MSI2: variants seen among roughly 807,000 people sequenced by gnomAD.
The protein encoded by MSI2 is musashi RNA binding protein 2, also known as RNA-binding protein Musashi homolog 2.
A neutral mutation model predicts 45.6 loss-of-function variants in MSI2; 17 were observed. The observed-to-expected ratio is 0.37, with a 90% CI of 0.26 to 0.56. MSI2 has a LOEUF of 0.56. MSI2 is among the 20% of genes least tolerant of loss of function. The probability of loss-of-function intolerance (pLI) is 0.77; values close to 1 mark genes in which losing one functional copy is unlikely to be tolerated. For missense variants in MSI2, 293 were observed against 444.2 expected, an observed-to-expected ratio of 0.66 and a Z score of 3.06; for synonymous variants, 156 against 158.2, an observed-to-expected ratio of 0.99 and a Z score of 0.11.
intron 6 of MSI2, among the ~76,000 whole-genome samples, chr17:57,500,029 G>A (rs184124165): frequency 8.7e-4 from 133 of 152,182 alleles, no homozygotes; most frequent in Middle Eastern, 6.8e-3. Flanking sequence ...GGGACATAGA[G>A]CTCACCTCGG....
intron 7 of MSI2, among the ~76,000 whole-genome samples, chr17:57,589,535 C>T (rs1328740684): frequency 1.3e-5 from 2 of 149,812 alleles, no homozygotes; most frequent in East Asian, 1.9e-4. Context: ...AGAAACGTTC[C>T]GCGTTGGGGC....
chr17:57,684,851 C>A (rs547514384), downstream of MSI2, among the ~76,000 whole-genome samples: 10 of 152,210 alleles, frequency 6.6e-5, no homozygotes, highest in East Asian at 1.9e-3. Context: ...CCTGCCTTGT[C>A]CCCAGGGAGC....
chr17:57,582,672 C>T (rs2088236826), intron 7 of MSI2, among the ~76,000 whole-genome samples: 2 of 152,220 alleles, frequency 1.3e-5, no homozygotes, highest in Admixed American at 6.5e-5. Context: ...CAACCCCATC[C>T]TCCAATTATG....
Position 57,552,311 on chromosome 17 carries a change from G to C in MSI2, c.454+22587G>C, listed in dbSNP as rs548930383. Among the ~76,000 whole-genome samples, 3 of 152,320 alleles carry C rather than the reference G, an allele frequency of 2.0e-5. No homozygotes were observed. The South Asian group carries it at 6.2e-4, about 32-fold the overall frequency. On this transcript the variant is annotated intron_variant, in intron 7 of 13. Transcript: ENST00000284073. The surrounding 1 kb of genome is among the most constrained non-coding windows in gnomAD (Gnocchi z 4.3). ...CTGTAATTCCTGACTCCCTTCCTGA[G>C]AGAGTCCTGGGAACTGAGCTTGGCT...
chr17:57,650,366 T>TG (rs1288045628), intron 10 of MSI2, among the ~76,000 whole-genome samples: 1 of 152,216 alleles, frequency 6.6e-6, no homozygotes, highest in Admixed American at 6.5e-5. Context: ...CTGGGTGTCC[T>TG]GGGGGTTGGG....
chr17:57,575,944 CAAAAAAAAAAA>C (rs34036311), intron 7 of MSI2, among the ~76,000 whole-genome samples: 1,242 of 64,452 alleles, frequency 0.019, 16 homozygotes, highest in African/African-American at 0.055. Context: ...GACTCCGTCT[CAAAAAAAAAAA>C]AAAAAAAAAA....
At chr17:57,485,537 C>A (rs569469432) in intron 6 of MSI2, among the ~76,000 whole-genome samples, 1 of 152,124 alleles carries the variant, frequency 6.6e-6, no homozygotes, top group African/African-American at 2.4e-5. Context: ...ATCTTCCTTG[C>A]GAAACATGGA....
At chr17:57,524,620 T>A (rs534012882) in intron 6 of MSI2, among the ~76,000 whole-genome samples, 1 of 152,268 alleles carries the variant, frequency 6.6e-6, no homozygotes, top group Non-Finnish European at 1.5e-5. Context: ...TCTGGATTTT[T>A]CTTTCATCGG....
At chr17:57,488,675 T>G (rs2085803655) in intron 6 of MSI2, among the ~76,000 whole-genome samples, 2 of 151,958 alleles carry the variant, frequency 1.3e-5, no homozygotes, top group South Asian at 4.2e-4. Context: ...ATACAAAAAA[T>G]TATCTGGGTA....
chr17:57,604,475 C>T (rs1477465590), intron 8 of MSI2, among the ~76,000 whole-genome samples: 1 of 152,114 alleles, frequency 6.6e-6, no homozygotes, highest in Non-Finnish European at 1.5e-5. Flanking sequence ...GAGGTGGGCA[C>T]TCTCAGTGCC....
intron 5 of MSI2, among the ~76,000 whole-genome samples, chr17:57,289,200 G>A (rs947911689): frequency 6.6e-6 from 1 of 152,186 alleles, no homozygotes; most frequent in African/African-American, 2.4e-5. Flanking sequence ...TGATTTCCAC[G>A]GCTCCTGCTG....
chr17:57,650,140 G>A (rs961357119), intron 10 of MSI2, among the ~76,000 whole-genome samples: 6 of 151,676 alleles, frequency 4.0e-5, no homozygotes, highest in African/African-American at 1.5e-4. Flanking sequence ...TGTCCAAAAT[G>A]CACTCAATTC....
At chr17:57,310,585 C>T (rs568170447) in intron 5 of MSI2, among the ~76,000 whole-genome samples, 10 of 152,298 alleles carry the variant, frequency 6.6e-5, no homozygotes, top group Admixed American at 2.0e-4. Flanking sequence ...CCACCCGCCT[C>T]GGCCTCCCAA....
At chr17:57,561,739 C>T (rs565336285) in intron 7 of MSI2, among the ~76,000 whole-genome samples, 7 of 152,260 alleles carry the variant, frequency 4.6e-5, no homozygotes, top group South Asian at 4.1e-4. Context: ...CAGTCTCTGC[C>T]GCCCCTCTTG....
At chr17:57,365,006 C>T (rs1183822481) in intron 5 of MSI2, 2 of 151,958 alleles carry the variant, frequency 1.3e-5, no homozygotes, top group African/African-American at 4.8e-5. Context: ...AAAATAAAAA[C>T]CACACTGAAC....
chr17:57,669,718 T>A (rs1409404523), intron 11 of MSI2, among the ~76,000 whole-genome samples: 3 of 152,210 alleles, frequency 2.0e-5, no homozygotes, highest in Non-Finnish European at 4.4e-5. Flanking sequence ...CTCTCAGTCC[T>A]CCGTCCTTTC....
At chr17:57,620,908 C>T (rs890404069) in intron 9 of MSI2, among the ~76,000 whole-genome samples, 2 of 152,184 alleles carry the variant, frequency 1.3e-5, no homozygotes, top group Non-Finnish European at 2.9e-5. Context: ...TACAGGCCTC[C>T]CCAGCCATCA....
At chr17:57,289,800 A>G (rs1014626697) in intron 5 of MSI2, among the ~76,000 whole-genome samples, 2 of 152,236 alleles carry the variant, frequency 1.3e-5, no homozygotes, top group Admixed American at 6.5e-5. Flanking sequence ...GCTGCCCGGC[A>G]GCCCGGTGCA....
intron 6 of MSI2, among the ~76,000 whole-genome samples, chr17:57,417,102 C>A (rs1489395028): frequency 6.6e-6 from 1 of 152,170 alleles, no homozygotes; most frequent in African/African-American, 2.4e-5. Context: ...TCCCAGGCCT[C>A]CCATCCTTTC....
Sources: allele counts gnomAD v4.1 joint callset (sites outside exome capture counted in the v4.1 genomes callset), GRCh38; gene constraint gnomAD v4.1.1; non-coding constraint Gnocchi (gnomAD v3.1); transcripts MANE v1.5; gene names NCBI Gene and HGNC (gene_info 2026-07-23, HGNC 2026-07-21).